The following PDZD2 variants were observed in gnomAD, a reference collection of about 807,000 sequenced individuals.
The protein encoded by PDZD2 is PDZ domain containing 2, also known as PDZ domain-containing protein 2.
Under a neutral mutation model 220.7 loss-of-function variants are expected in PDZD2, and 90 were observed. The ratio of observed to expected loss-of-function variants is 0.41; its 90% CI spans 0.34 to 0.49. The LOEUF is 0.49. PDZD2 is among the 20% of genes least tolerant of loss of function. The probability of loss-of-function intolerance (pLI) is 0.28; values close to 1 mark genes in which losing one functional copy is unlikely to be tolerated. For synonymous variants in PDZD2, 1,375 were observed against 1,450.5 expected (o/e 0.95, Z 1.18); for missense variants, 3,174 against 3,608.5 (o/e 0.88, Z 3.08).
chr5:32,044,100 G>A (rs899122955), intron 7 of PDZD2, among the ~76,000 whole-genome samples: 3 of 151,884 alleles, frequency 2.0e-5, no homozygotes, highest in Admixed American at 2.0e-4. Flanking sequence ...AGGCTGAGGT[G>A]GGCGGATCAC....
chr5:31,701,264 T>G (rs1323786391), intron 1 of PDZD2, among the ~76,000 whole-genome samples: 1 of 152,174 alleles, frequency 6.6e-6, no homozygotes, highest in Non-Finnish European at 1.5e-5. Context: ...TAGCGCAGTC[T>G]CAGCCCACTG....
intron 1 of PDZD2, among the ~76,000 whole-genome samples, chr5:31,761,091 T>C (rs1479393845): frequency 1.3e-5 from 2 of 152,052 alleles, no homozygotes; most frequent in South Asian, 2.1e-4. Flanking sequence ...GGAGTGGTGC[T>C]GTGTAAGAGC....
At chr5:32,004,619 G>T (rs1752664076) in intron 5 of PDZD2, among the ~76,000 whole-genome samples, 1 of 152,138 alleles carries the variant, frequency 6.6e-6, no homozygotes, top group Non-Finnish European at 1.5e-5. Flanking sequence ...AATCCCAGTG[G>T]TTAATTAACT....
Position 32,091,015 on chromosome 5 carries a change from G to A in PDZD2, c.7567G>A (p.Gly2523Ser), listed in dbSNP as rs775324328. Residue 2523 changes from glycine to serine, a missense_variant, in exon 20 of 25, where the codon GGC (glycine) becomes AGC (serine). By Grantham distance (56) the Gly-to-Ser change is moderately conservative (BLOSUM62 0). This residue lies in a region of PDZD2 where 631 missense variants were observed against 789.9 expected (regional missense o/e 0.80). Transcript: ENST00000438447. ...GGAGATCACCCCCAGGAGGTCACCT[G>A]GCCCTCCTGCTGGAGGCGTTTCGTG... ...ELEITPRRSP[G>S]PPAGGVSCPE... 8 of 1,613,758 alleles carry A rather than the reference G, an allele frequency of 5.0e-6. No individual in the cohort carries two copies. In the East Asian group the frequency reaches 1.8e-4, roughly 36 times the overall value.
chr5:31,757,048 A>G (rs1165141837), intron 1 of PDZD2, among the ~76,000 whole-genome samples: 1 of 150,274 alleles, frequency 6.7e-6, no homozygotes, highest in Non-Finnish European at 1.5e-5. Flanking sequence ...CTTTGGGAGG[A>G]TGCAGTGGGA....
At position 32,048,695 on chromosome 5, in the gene PDZD2, G is replaced by C. The variant is rs755276828; in HGVS notation, c.1665+11G>C. The C allele has an allele frequency of 5.0e-5, 80 of 1,613,588 alleles. No homozygotes were observed. Among genetic ancestry groups the C allele is most frequent in the Non-Finnish European group, 6.6e-5 (78 of 1,179,696 alleles). ...TCCAGTGCCTCACAGGTCCGACCAG[G>C]GCTGTGGATCTTTTCAAAGACCATA... is the stretch of plus-strand genomic sequence containing the variant. On this transcript the variant is annotated intron_variant, in intron 8 of 24. Transcript: ENST00000438447.
intron 1 of PDZD2, among the ~76,000 whole-genome samples, chr5:31,753,999 C>T (rs1045998179): frequency 6.6e-6 from 1 of 152,192 alleles, no homozygotes; most frequent in African/African-American, 2.4e-5. Flanking sequence ...ATTGTAAGCC[C>T]GAATCCCAGC....
At chr5:31,743,303 T>C (rs1750381693) in intron 1 of PDZD2, among the ~76,000 whole-genome samples, 2 of 152,024 alleles carry the variant, frequency 1.3e-5, no homozygotes, top group East Asian at 1.9e-4. Flanking sequence ...GCATCCCCAA[T>C]GGCTGGGATT....
intron 2 of PDZD2, among the ~76,000 whole-genome samples, chr5:31,801,554 G>A (rs1351546292): frequency 6.6e-6 from 1 of 152,078 alleles, no homozygotes; most frequent in Non-Finnish European, 1.5e-5. Flanking sequence ...TGGATAGAGA[G>A]GTAGAAGGAA....
chr5:31,821,391 T>TA (rs200302561), intron 2 of PDZD2, among the ~76,000 whole-genome samples: 78,002 of 147,912 alleles, frequency 0.53, 21,061 homozygotes, highest in Non-Finnish European at 0.61. Flanking sequence ...ATTATTATTT[T>TA]TTTTTTTTGA....
Position 32,052,771 on chromosome 5 carries a change from T to A in PDZD2, c.1785+41T>A, listed in dbSNP as rs749941033. On this transcript the variant is annotated intron_variant, in intron 9 of 24. Transcript: ENST00000438447. Reference sequence around the variant, plus strand: ...CAGACTGTTCTGCCTTCTGGGTGAATCTTAGCACACATTTTTTGTTTTATT... The same window carrying A: ...CAGACTGTTCTGCCTTCTGGGTGAAACTTAGCACACATTTTTTGTTTTATT... 6 of 1,591,534 alleles carry A rather than the reference T, an allele frequency of 3.8e-6. No homozygotes were observed. In the African/African-American group the frequency reaches 5.4e-5, roughly 14 times the overall value.
intron 1 of PDZD2, among the ~76,000 whole-genome samples, chr5:31,793,308 G>A (rs186468480): frequency 8.5e-5 from 13 of 152,102 alleles, no homozygotes; most frequent in African/African-American, 3.1e-4. Flanking sequence ...AGCAGAGTGG[G>A]GGCACTTCCC....
chr5:32,027,624 C>T lies in PDZD2; in HGVS notation c.1408-9607C>T, dbSNP rs536618007. 5.9e-5 allele frequency among the ~76,000 whole-genome samples: 9 copies of T among 152,280 alleles called. 2 individuals are homozygous for T. The highest frequency in any genetic ancestry group is 1.7e-4 in the African/African-American group (7 of 41,560). On this transcript the variant is annotated intron_variant, in intron 6 of 24. Transcript: ENST00000438447. The stretch of plus-strand genomic sequence containing the variant: ...TGTACCAGAGCACGCCCAGGGTTGA[C>T]GAGTTTGACTTTGTGGTGTTGCTGT...
rs1239831147 is a variant in PDZD2, at chr5:32,061,136, TG to T, written c.2451+3del. The T allele has an allele frequency of 6.2e-7, 1 of 1,614,018 alleles. No homozygotes were observed. The highest frequency in any genetic ancestry group is 2.2e-5 in the East Asian group (1 of 44,878). On this transcript the variant is annotated splice_donor_region_variant and intron_variant, in intron 14 of 24. Coordinates refer to ENST00000438447, the MANE Select transcript of PDZD2 (RefSeq NM_178140.4). ...ATCGGCCGGCACCCTAATCCAAAGG[TG>T]AGGTGGTCCACCCTCTTCTGAACGT...
intron 2 of PDZD2, among the ~76,000 whole-genome samples, chr5:31,945,987 T>C (rs927929926): frequency 6.6e-6 from 1 of 152,150 alleles, no homozygotes. Flanking sequence ...GCAAACATGC[T>C]GTTTTATTTT....
intron 1 of PDZD2, among the ~76,000 whole-genome samples, chr5:31,702,565 C>G (rs543246561): frequency 6.6e-5 from 10 of 152,200 alleles, no homozygotes; most frequent in Non-Finnish European, 8.8e-5. Flanking sequence ...CCCTACCCTG[C>G]CTTTAAAAAG....
intron 1 of PDZD2, among the ~76,000 whole-genome samples, chr5:31,653,423 G>A (rs1580520384): frequency 6.6e-6 from 1 of 152,092 alleles, no homozygotes; most frequent in Non-Finnish European, 1.5e-5. Flanking sequence ...AAGAACCTGG[G>A]TTATACGTCA....
At chr5:31,880,188 C>T (rs987317104) in intron 2 of PDZD2, among the ~76,000 whole-genome samples, 2 of 152,104 alleles carry the variant, frequency 1.3e-5, no homozygotes, top group African/African-American at 4.8e-5. Context: ...TCCCAAAGTG[C>T]TTGGGATTAC....
chr5:31,715,514 C>A (rs1172033215), intron 1 of PDZD2, among the ~76,000 whole-genome samples: 1 of 152,178 alleles, frequency 6.6e-6, no homozygotes, highest in African/African-American at 2.4e-5. Flanking sequence ...ATACTAGAAG[C>A]TGGATGACAT....
Sources: allele counts gnomAD v4.1 joint callset (sites outside exome capture counted in the v4.1 genomes callset), GRCh38; gene constraint gnomAD v4.1.1; regional missense constraint gnomAD v4.1.1; transcripts MANE v1.5; gene names NCBI Gene and HGNC (gene_info 2026-07-23, HGNC 2026-07-21).